The following NRG2 variants were observed in gnomAD, a reference collection of about 807,000 sequenced individuals.
NRG2 encodes the protein pro-neuregulin-2, membrane-bound isoform.
A neutral mutation model predicts 73.9 loss-of-function variants in NRG2; 27 were observed. The observed-to-expected ratio is 0.37, with a 90% CI of 0.27 to 0.50. The LOEUF (loss-of-function observed/expected upper bound fraction) is 0.50. NRG2 is among the 20% of genes least tolerant of loss of function. The pLI is 0.96. For synonymous variants in NRG2, 532 were observed against 541.0 expected (o/e 0.98, Z 0.23); for missense variants, 1,126 against 1,210.1 (o/e 0.93, Z 1.03).
At chr5:139,927,331 A>G (rs572737132) in intron 1 of NRG2, among the ~76,000 whole-genome samples, 1 of 151,760 alleles carries the variant, frequency 6.6e-6, no homozygotes, top group Non-Finnish European at 1.5e-5. Context: ...GATGCCTCAC[A>G]CCTGCCCTAT....
At chr5:139,928,040 A>G (rs749978362) in intron 1 of NRG2, among the ~76,000 whole-genome samples, 28 of 152,014 alleles carry the variant, frequency 1.8e-4, no homozygotes, top group Admixed American at 7.9e-4. Flanking sequence ...AGCCATCCCA[A>G]TCCTCACACA....
At chr5:140,038,902 C>A (rs1761704655) in intron 1 of NRG2, among the ~76,000 whole-genome samples, 2 of 152,226 alleles carry the variant, frequency 1.3e-5, no homozygotes, top group African/African-American at 4.8e-5. Context: ...TGCAGCACAG[C>A]TGGGTTTCCA....
At chr5:140,022,660 C>T (rs1760333400) in intron 1 of NRG2, among the ~76,000 whole-genome samples, 1 of 152,152 alleles carries the variant, frequency 6.6e-6, no homozygotes, top group Non-Finnish European at 1.5e-5. Flanking sequence ...CCTCTTTATA[C>T]TTGAGTTTTC....
chr5:140,034,182 G>C (rs753583211), intron 1 of NRG2, among the ~76,000 whole-genome samples: 1 of 152,064 alleles, frequency 6.6e-6, no homozygotes, highest in African/African-American at 2.4e-5. Context: ...GGATGGTCTC[G>C]ATCTCCTGAC....
At chr5:140,027,056 C>T (rs1048727776) in intron 1 of NRG2, among the ~76,000 whole-genome samples, 8 of 152,156 alleles carry the variant, frequency 5.3e-5, no homozygotes, top group Admixed American at 5.2e-4. Flanking sequence ...TCACAGCTCA[C>T]TGCAGCCTCA....
intron 1 of NRG2, among the ~76,000 whole-genome samples, chr5:139,900,830 C>T (rs1431416504): frequency 5.9e-5 from 9 of 152,184 alleles, no homozygotes; most frequent in Non-Finnish European, 1.3e-4. Flanking sequence ...CTGACTTGGC[C>T]CTGAAGCTCC....
In NRG2 at chr5:139,954,682, C is replaced by A. The variant is rs935423378; in HGVS notation, c.701-67171G>T. 6.6e-6 allele frequency among the ~76,000 whole-genome samples: 1 copy of A among 152,242 alleles called. No individual in the cohort carries two copies. The highest frequency in any genetic ancestry group is 1.5e-5 in the Non-Finnish European group (1 of 68,050). ...GCAGAGGCCCCTGCGCGTATCCCGC[C>A]AAGTTCCTCTCTCTTTGCTCATGCA... On this transcript the variant is annotated intron_variant, in intron 1 of 9. Transcript: ENST00000361474. This position sits in a 1 kb window ranked among gnomAD's most constrained non-coding sequence, Gnocchi z 5.0.
rs552537319 is a variant in NRG2 at position 140,042,386 on chromosome 5, G to A, written c.684C>T (p.Ile228=). 4.1e-4 allele frequency: 647 copies of A among 1,583,620 alleles called. No homozygotes were observed. The highest frequency in any genetic ancestry group is 5.2e-4 in the Non-Finnish European group (607 of 1,163,124). Residue 228 remains isoleucine, a synonymous_variant, in exon 1 of 10, where the codon ATC becomes ATT. Transcript: ENST00000361474. The part of the protein sequence containing the change: ...GKNLKKEVGK[I]LCTDCATRPK... ...GCGACTCACCGCAGTCAGTGCACAG[G>A]ATCTTGCCCACCTCTTTCTTGAGAT...
chr5:140,014,429 G>A (rs888361802), intron 1 of NRG2, among the ~76,000 whole-genome samples: 3 of 152,100 alleles, frequency 2.0e-5, no homozygotes, highest in South Asian at 2.1e-4. Context: ...TAGAGATGGG[G>A]TTTTGCCATG....
chr5:139,878,555 C>A (rs1176135716), intron 3 of NRG2, among the ~76,000 whole-genome samples: 1 of 152,186 alleles, frequency 6.6e-6, no homozygotes, highest in African/African-American at 2.4e-5. Context: ...CCTATGAGTT[C>A]TTGGACTCTT....
chr5:139,929,907 G>T (rs988265644), intron 1 of NRG2, among the ~76,000 whole-genome samples: 33 of 152,136 alleles, frequency 2.2e-4, no homozygotes, highest in African/African-American at 8.0e-4. Flanking sequence ...TGGAGAAAAA[G>T]CAAGAAAATC....
At chr5:139,944,773 T>TA (rs946407642) in intron 1 of NRG2, among the ~76,000 whole-genome samples, 26 of 152,254 alleles carry the variant, frequency 1.7e-4, no homozygotes, top group African/African-American at 6.0e-4. Flanking sequence ...AAACTCCCAG[T>TA]AGTGATATTG....
chr5:139,959,016 C>G (rs1754856230), intron 1 of NRG2, among the ~76,000 whole-genome samples: 1 of 152,154 alleles, frequency 6.6e-6, no homozygotes, highest in African/African-American at 2.4e-5. Flanking sequence ...TAACCTCCAA[C>G]CCCAAAAATG....
At chr5:139,980,975 G>T (rs1401599646) in intron 1 of NRG2, among the ~76,000 whole-genome samples, 1 of 152,214 alleles carries the variant, frequency 6.6e-6, no homozygotes, top group African/African-American at 2.4e-5. Flanking sequence ...CAGGCAGAAG[G>T]ATGGAGACAC....
chr5:140,016,588 G>A (rs1258353312), intron 1 of NRG2, among the ~76,000 whole-genome samples: 2 of 152,210 alleles, frequency 1.3e-5, no homozygotes, highest in African/African-American at 2.4e-5. Flanking sequence ...AGCTTATAGG[G>A]AGACATCAAA....
At chr5:139,967,555 C>G (rs905956284) in intron 1 of NRG2, among the ~76,000 whole-genome samples, 2 of 152,308 alleles carry the variant, frequency 1.3e-5, no homozygotes, top group East Asian at 3.9e-4. Context: ...AGAGACACTT[C>G]TAAGGAGAGG....
intron 1 of NRG2, among the ~76,000 whole-genome samples, chr5:139,972,302 G>A (rs1486647281): frequency 6.6e-6 from 1 of 152,130 alleles, no homozygotes; most frequent in African/African-American, 2.4e-5. Flanking sequence ...AAAACACTAG[G>A]ACATTTAGGT....
At chr5:139,990,184 T>C (rs1284650815) in intron 1 of NRG2, among the ~76,000 whole-genome samples, 2 of 152,194 alleles carry the variant, frequency 1.3e-5, no homozygotes, top group African/African-American at 4.8e-5. Flanking sequence ...GATATATATC[T>C]AGGCATGTAA....
At chr5:140,022,778 TTAAG>T (rs752850946) in intron 1 of NRG2, among the ~76,000 whole-genome samples, 11 of 152,374 alleles carry the variant, frequency 7.2e-5, no homozygotes, top group East Asian at 5.8e-4. Context: ...CAAGTACGTA[TTAAG>T]TGTCACATAA....
Sources: gnomAD v4.1 joint callset for allele counts (sites outside exome capture counted in the v4.1 genomes callset) on GRCh38, gnomAD v4.1.1 for gene constraint, Gnocchi (gnomAD v3.1) non-coding constraint, MANE v1.5 for transcripts, NCBI Gene and HGNC (gene_info 2026-07-23, HGNC 2026-07-21) for gene names.